The following ST6GALNAC3 variants were observed in gnomAD, a reference collection of about 807,000 sequenced individuals.
The protein encoded by ST6GALNAC3 is alpha-N-acetylgalactosaminide alpha-2,6-sialyltransferase 3.
In ST6GALNAC3, 25 loss-of-function variants were observed where a neutral mutation model predicts 32.7. The ratio of observed to expected loss-of-function variants is 0.76; its 90% CI spans 0.56 to 1.07. ST6GALNAC3 has a LOEUF of 1.07. Ranked by LOEUF, ST6GALNAC3 falls within the 50% of genes least tolerant of loss-of-function variation. ST6GALNAC3 has a pLI of 0.00. For missense variants in ST6GALNAC3, 355 were observed against 382.4 expected, an observed-to-expected ratio of 0.93 and a Z score of 0.60; for synonymous variants, 129 against 133.1, an observed-to-expected ratio of 0.97 and a Z score of 0.21.
intron 1 of ST6GALNAC3, among the ~76,000 whole-genome samples, chr1:76,281,192 ATAT>A (rs1374424579): frequency 6.6e-6 from 1 of 152,174 alleles, no homozygotes; most frequent in Non-Finnish European, 1.5e-5. Flanking sequence ...TTAACTGAAG[ATAT>A]TATTGCCCTG....
At chr1:76,564,273 A>C (rs767364491) in intron 3 of ST6GALNAC3, among the ~76,000 whole-genome samples, 32 of 152,220 alleles carry the variant, frequency 2.1e-4, no homozygotes, top group Non-Finnish European at 3.2e-4. Flanking sequence ...CTGAATTACC[A>C]GGTCTTCAAT....
In ST6GALNAC3 at chr1:76,633,245, G is replaced by A. The variant is rs1649385828; in HGVS notation, c.*4439G>A. On this transcript the variant is annotated 3_prime_UTR_variant, in exon 5 of 5. Transcript: ENST00000328299. ...ACACTTTTTAGACAGAAGAGTAGCT[G>A]GAAAAAGAATGCCTAACTGATTTAC... 6.6e-6 allele frequency: 1 copy of A among 152,120 alleles called. No individual in the cohort carries two copies. The highest frequency in any genetic ancestry group is 1.5e-5 in the Non-Finnish European group (1 of 68,022). 9.4% of individuals were successfully genotyped at this position (152,120 alleles called of 1,614,324 possible).
intron 2 of ST6GALNAC3, among the ~76,000 whole-genome samples, chr1:76,325,101 G>A (rs939585496): frequency 1.4e-4 from 21 of 152,134 alleles, no homozygotes; most frequent in African/African-American, 5.1e-4. Flanking sequence ...AGGTATTTAG[G>A]TTTTTGACCT....
chr1:76,393,462 G>A (rs1652717359), intron 2 of ST6GALNAC3, among the ~76,000 whole-genome samples: 1 of 152,096 alleles, frequency 6.6e-6, no homozygotes, highest in South Asian at 2.1e-4. Context: ...CTACATAGAA[G>A]CCTTAGTTCT....
chr1:76,315,215 A>G (rs550332425), intron 2 of ST6GALNAC3, among the ~76,000 whole-genome samples: 1 of 152,234 alleles, frequency 6.6e-6, no homozygotes, highest in South Asian at 2.1e-4. Context: ...TTGATTACCT[A>G]TATAAAAATG....
intron 3 of ST6GALNAC3, among the ~76,000 whole-genome samples, chr1:76,623,795 G>A (rs1000678733): frequency 5.3e-5 from 8 of 151,860 alleles, no homozygotes; most frequent in Non-Finnish European, 7.4e-5. Flanking sequence ...CTCATTTCCA[G>A]TATGCTCACA....
Position 76,633,388 on chromosome 1 carries a change from T to G in ST6GALNAC3, c.*4582T>G, listed in dbSNP as rs1015490723. 1 of 152,196 alleles carries G rather than the reference T, an allele frequency of 6.6e-6. No homozygotes were observed. Among genetic ancestry groups the G allele is most frequent in the African/African-American group, 2.4e-5 (1 of 41,442 alleles). 9.4% of individuals were successfully genotyped at this position (152,196 alleles called of 1,614,324 possible). A position where few individuals can be genotyped will look rare whatever the true frequency, so the allele number is the denominator to read the frequency against. On this transcript the variant is annotated 3_prime_UTR_variant, in exon 5 of 5. Coordinates refer to ENST00000328299, the MANE Select transcript of ST6GALNAC3 (RefSeq NM_152996.4). ...TCATAATTGAAGGAACATATCCCATTGATTGTCTACACTTTCTTCTCTCTG... is the reference window on the plus strand; with the variant it reads ...TCATAATTGAAGGAACATATCCCATGGATTGTCTACACTTTCTTCTCTCTG...
At chr1:76,176,111 G>A (rs1652833681) in intron 1 of ST6GALNAC3, among the ~76,000 whole-genome samples, 1 of 152,090 alleles carries the variant, frequency 6.6e-6, no homozygotes, top group Non-Finnish European at 1.5e-5. Flanking sequence ...TAAGATATGT[G>A]GTTTGTGGCT....
At chr1:76,589,720 A>G (rs1647018376) in intron 3 of ST6GALNAC3, among the ~76,000 whole-genome samples, 1 of 151,618 alleles carries the variant, frequency 6.6e-6, no homozygotes, top group South Asian at 2.1e-4. Context: ...AGAAATACTG[A>G]CTTGTTCTAA....
rs188269512 is a variant in ST6GALNAC3 at position 76,362,294 on chromosome 1, C to G, written c.213+48295C>G. Among the ~76,000 whole-genome samples the G allele has an allele frequency of 5.6e-4, 85 of 152,242 alleles. 2 individuals are homozygous for G. In the East Asian group the frequency reaches 8.5e-3, roughly 15 times the overall value. ...ATGGTGTTAAACTATTCAGGAGAAA[C>G]TGCTCCCATGGTGCAATTACCTCCC... is the stretch of plus-strand genomic sequence containing the variant. On this transcript the variant is annotated intron_variant, in intron 2 of 4. Transcript: ENST00000328299.
At chr1:76,411,008 G>A (rs866114886) in intron 2 of ST6GALNAC3, among the ~76,000 whole-genome samples, 2 of 152,078 alleles carry the variant, frequency 1.3e-5, no homozygotes, top group Non-Finnish European at 2.9e-5. Context: ...ATTCAAGATC[G>A]AATGTCAGAT....
intron 3 of ST6GALNAC3, among the ~76,000 whole-genome samples, chr1:76,494,743 GCACACA>G (rs34912507): frequency 7.7e-6 from 1 of 130,330 alleles, no homozygotes; most frequent in Non-Finnish European, 1.6e-5. Context: ...TCATGTGTAT[GCACACA>G]CACACACACA....
chr1:76,163,576 C>T (rs1651939636), intron 1 of ST6GALNAC3, among the ~76,000 whole-genome samples: 2 of 152,182 alleles, frequency 1.3e-5, no homozygotes, highest in Non-Finnish European at 2.9e-5. Context: ...CTTTTCTTCA[C>T]ATTTTAACAT....
intron 1 of ST6GALNAC3, among the ~76,000 whole-genome samples, chr1:76,168,898 T>C (rs182685357): frequency 6.6e-6 from 1 of 152,290 alleles, no homozygotes; most frequent in Admixed American, 6.5e-5. Flanking sequence ...GTCTTGGTTT[T>C]CTAATCCAGC....
At chr1:76,293,691 C>T (rs1327119326) in intron 1 of ST6GALNAC3, among the ~76,000 whole-genome samples, 6 of 152,132 alleles carry the variant, frequency 3.9e-5, no homozygotes, top group African/African-American at 9.7e-5. Context: ...TTTCCTATTA[C>T]GTGAGGGTTA....
chr1:76,269,960 A>G (rs1658742604), intron 1 of ST6GALNAC3, among the ~76,000 whole-genome samples: 1 of 152,166 alleles, frequency 6.6e-6, no homozygotes, highest in Admixed American at 6.5e-5. Flanking sequence ...AATGTGAAGC[A>G]TGAAGTTAGA....
At chr1:76,101,975 C>T (rs560769110) in intron 1 of ST6GALNAC3, among the ~76,000 whole-genome samples, 1 of 152,012 alleles carries the variant, frequency 6.6e-6, no homozygotes, top group Non-Finnish European at 1.5e-5. Context: ...GTGCAATGTT[C>T]TATATGTTTA....
chr1:76,603,938 T>A (rs952684753), intron 3 of ST6GALNAC3, among the ~76,000 whole-genome samples: 1 of 152,048 alleles, frequency 6.6e-6, no homozygotes, highest in African/African-American at 2.4e-5. Flanking sequence ...AAGGCAAAAA[T>A]TAAAAGGGGA....
rs1647502868 is a variant in ST6GALNAC3 at position 76,105,987 on chromosome 1, CTG to C, written c.18+31108_18+31109del. ...GTATAAGCTTTGGAGTCGTACCAAA[CTG>C]TGTGCAGGTATTTGCTCTGCTATTT... On this transcript the variant is annotated intron_variant, in intron 1 of 4. Coordinates refer to ENST00000328299, the MANE Select transcript of ST6GALNAC3 (RefSeq NM_152996.4). 3.3e-5 allele frequency among the ~76,000 whole-genome samples: 5 copies of C among 152,106 alleles called. No individual in the cohort carries two copies. In the South Asian group the frequency reaches 1.0e-3, roughly 32 times the overall value.
Sources: gnomAD v4.1 joint callset for allele counts (sites outside exome capture counted in the v4.1 genomes callset) on GRCh38, gnomAD v4.1.1 for gene constraint, MANE v1.5 for transcripts, NCBI Gene and HGNC (gene_info 2026-07-23, HGNC 2026-07-21) for gene names.